Variants in MCM8 observed in about 807,000 individuals in gnomAD.
MCM8 encodes DNA helicase MCM8.
In MCM8, 85 loss-of-function variants were observed where a neutral mutation model predicts 98.9. That is an observed-to-expected ratio of 0.86 (90% CI 0.72 to 1.03). The LOEUF (loss-of-function observed/expected upper bound fraction) is 1.03, where lower values mean the gene tolerates loss of function less well. Among genes scored for constraint, MCM8 ranks in the 50% least tolerant of loss-of-function variants. The pLI is 0.00. For missense variants in MCM8, 951 were observed against 997.8 expected (o/e 0.95, Z 0.63); for synonymous variants, 352 against 338.6 (o/e 1.04, Z -0.44).
chr20:5,968,427 C>T (rs959640045), intron 10 of MCM8, among the ~76,000 whole-genome samples: 2 of 152,138 alleles, frequency 1.3e-5, no homozygotes, highest in South Asian at 4.2e-4. Flanking sequence ...CGCCTGTAAT[C>T]CTAGCTACTC....
rs1172678780 is a variant in MCM8 at position 5,989,120 on chromosome 20, C to CTTTTTTTTTTTT, written c.2240+1767_2240+1778dup. Among the ~76,000 whole-genome samples, 768 of 120,236 alleles carry CTTTTTTTTTTTT rather than the reference C, an allele frequency of 6.4e-3. 90 individuals are homozygous for CTTTTTTTTTTTT. The highest frequency in any genetic ancestry group is 0.025 in the African/African-American group (650 of 26,488). The allele number at this position is 120,236 out of a possible 152,430, so 78.9% of individuals were successfully genotyped here. On this transcript the variant is annotated intron_variant, in intron 17 of 18. Transcript: ENST00000610722. ...ACTGTTTACTATCAATAGCGCAAGTCTTTTTTTTTTTTTTTTGAGACAGTC... is the reference window on the plus strand; with the variant it reads ...ACTGTTTACTATCAATAGCGCAAGTCTTTTTTTTTTTTTTTTTTTTTTTTTTTTGAGACAGTC...
At chr20:5,955,053 A>G in intron 4 of MCM8, 49 bp from the exon 5 acceptor site, 2 of 1,339,100 alleles carry the variant, frequency 1.5e-6, no homozygotes, top group Non-Finnish European at 2.1e-6. Context: ...GTTAATGGTA[A>G]TTGACTACAG....
rs774896012 is a variant in MCM8 at position 5,954,567 on chromosome 20, CTG to C, written c.254-36_254-35del. 3.6e-5 allele frequency: 41 copies of C among 1,133,842 alleles called. No individual in the cohort carries two copies. The African/African-American group carries it at 4.7e-4, about 13-fold the overall frequency. The allele number at this position is 1,133,842 out of a possible 1,614,324, so 70.2% of individuals were successfully genotyped here. A position where few individuals can be genotyped will look rare whatever the true frequency, so the allele number is the denominator to read the frequency against. On this transcript the variant is annotated intron_variant, in intron 3 of 18. Transcript: ENST00000610722. ...TGTCTCATGAAAAATGTGCATGTAC[CTG>C]TGTGATTATTTGTGCTAATGCCATA...
intron 17 of MCM8, 117 bp from the exon 18 acceptor site, chr20:5,993,389 T>A: frequency 1.6e-6 from 1 of 643,158 alleles, no homozygotes. Flanking sequence ...TGTTGAAATG[T>A]TTGCTAAGTG....
At position 5,954,540 on chromosome 20, in the gene MCM8, T is replaced by C; in HGVS notation, c.254-68T>C. The C allele has an allele frequency of 4.5e-6, 4 of 882,256 alleles. No individual in the cohort carries two copies. The South Asian group carries it at 5.9e-5, about 13-fold the overall frequency. 54.7% of individuals were successfully genotyped at this position (882,256 alleles called of 1,614,324 possible). ...CATCTACCATGTATATAGTGCTGCT[T>C]TTGTCTCATGAAAAATGTGCATGTA... On this transcript the variant is annotated intron_variant, in intron 3 of 18. Coordinates refer to ENST00000610722, the MANE Select transcript of MCM8 (RefSeq NM_032485.6).
At chr20:5,988,839 G>T (rs751711274) in intron 17 of MCM8, among the ~76,000 whole-genome samples, 2 of 152,138 alleles carry the variant, frequency 1.3e-5, no homozygotes, top group Non-Finnish European at 2.9e-5. Context: ...AGGTTTGCGT[G>T]GTGTCAGAAC....
At chr20:5,974,253 C>G (rs141775473) in intron 12 of MCM8, among the ~76,000 whole-genome samples, 12 of 152,324 alleles carry the variant, frequency 7.9e-5, no homozygotes, top group Non-Finnish European at 1.5e-4. Context: ...AACTCAGCCT[C>G]TCAAGTAGCT....
intron 3 of MCM8, among the ~76,000 whole-genome samples, 192 bp downstream of exon 3, chr20:5,952,720 C>T (rs1600234936): frequency 6.6e-6 from 1 of 152,210 alleles, no homozygotes. Context: ...AAGCAGAAAC[C>T]ATACTAGGTA....
At chr20:5,988,414 A>G (rs374163313) in intron 17 of MCM8, among the ~76,000 whole-genome samples, 1 of 151,782 alleles carries the variant, frequency 6.6e-6, no homozygotes, top group East Asian at 1.9e-4. Flanking sequence ...GTGAGCTGAG[A>G]TTGTGCCACT....
intron 13 of MCM8, among the ~76,000 whole-genome samples, chr20:5,978,564 A>G (rs1413942640): frequency 6.6e-6 from 1 of 152,004 alleles, no homozygotes; most frequent in Non-Finnish European, 1.5e-5. Flanking sequence ...GTTACTTTCG[A>G]TGTTTTTTTC....
chr20:5,980,451 A>G (rs1456777652), intron 13 of MCM8, among the ~76,000 whole-genome samples: 3 of 152,212 alleles, frequency 2.0e-5, no homozygotes, highest in Admixed American at 1.3e-4. Flanking sequence ...TGAATAAATA[A>G]ATACCAAAAA....
chr20:5,989,827 A>G (rs1457714337), intron 17 of MCM8, among the ~76,000 whole-genome samples: 1 of 152,186 alleles, frequency 6.6e-6, no homozygotes, highest in Non-Finnish European at 1.5e-5. Context: ...CCATGGAAGA[A>G]GAGGAACCTT....
intron 7 of MCM8, 40 bp from the exon 8 acceptor site, chr20:5,963,234 T>C (rs952632070): frequency 2.6e-5 from 38 of 1,460,592 alleles, no homozygotes; most frequent in Non-Finnish European, 3.2e-5. Flanking sequence ...TGATTATAGT[T>C]TATCAAAATC....
intron 12 of MCM8, among the ~76,000 whole-genome samples, chr20:5,974,347 G>C (rs897297938): frequency 6.6e-6 from 1 of 151,932 alleles, no homozygotes; most frequent in Non-Finnish European, 1.5e-5. Flanking sequence ...GGCTGGTCTC[G>C]AACTCCTGGG....
Position 5,993,575 on chromosome 20 carries a change from G to A in MCM8, c.2310G>A (p.Met770Ile). ...AGCGATCCCAGCATGGTTCTGGAAT[G>A]AGCAACAGGTCAACAGCGAAAAGAT... ...DFERSQHGSG[M>I]SNRSTAKRFI... Residue 770 changes from methionine to isoleucine, a missense_variant, in exon 18 of 19, where the codon ATG (methionine) becomes ATA (isoleucine). Transcript: ENST00000610722. The A allele has an allele frequency of 6.2e-7, 1 of 1,612,278 alleles. No homozygotes were observed. The highest frequency in any genetic ancestry group is 8.5e-7 in the Non-Finnish European group (1 of 1,178,716).
chr20:5,993,837 A>C, intron 18 of MCM8, 142 bp downstream of exon 18: 1 of 626,510 alleles, frequency 1.6e-6, no homozygotes, highest in East Asian at 2.7e-5. Flanking sequence ...AGTCAGAGGG[A>C]AACATTGTAG....
In MCM8 at chr20:5,973,835, A is replaced by G. The variant is rs58463768; in HGVS notation, c.1395+639A>G. Reference sequence around the variant, plus strand: ...ACGCCCAGCTAATTTTTGTATTTTTAGTAGAGACAGGGTTTTGCTGTGTTG... The same window carrying G: ...ACGCCCAGCTAATTTTTGTATTTTTGGTAGAGACAGGGTTTTGCTGTGTTG... On this transcript the variant is annotated intron_variant, in intron 12 of 18. Transcript: ENST00000610722. 9.8e-3 allele frequency among the ~76,000 whole-genome samples: 1,495 copies of G among 152,154 alleles called. 26 individuals carry two copies. Among genetic ancestry groups the G allele is most frequent in the African/African-American group, 0.034 (1,403 of 41,494 alleles).
chr20:5,969,072 C>T (rs2089342485), intron 10 of MCM8, among the ~76,000 whole-genome samples: 1 of 152,050 alleles, frequency 6.6e-6, no homozygotes, highest in Non-Finnish European at 1.5e-5. Context: ...ATTTGTATCA[C>T]CTTAAAATGG....
intron 13 of MCM8, among the ~76,000 whole-genome samples, chr20:5,980,487 A>G (rs2089607069): frequency 1.3e-5 from 2 of 152,244 alleles, no homozygotes; most frequent in African/African-American, 4.8e-5. Flanking sequence ...TATATAGCTC[A>G]TCAGAAGTGA....
Sources: allele counts gnomAD v4.1 joint callset (sites outside exome capture counted in the v4.1 genomes callset), GRCh38; gene constraint gnomAD v4.1.1; transcripts MANE v1.5; gene names NCBI Gene and HGNC (gene_info 2026-07-23, HGNC 2026-07-21).